The following PGAP4 variants were observed in gnomAD, a reference collection of about 807,000 sequenced individuals.
The protein encoded by PGAP4 is GPI-N-acetylgalactosamine transferase PGAP4.
PGAP4 carries 12 observed loss-of-function variants against 28.2 expected under a neutral mutation model. The ratio of observed to expected loss-of-function variants is 0.42; its 90% CI spans 0.27 to 0.69. The LOEUF (loss-of-function observed/expected upper bound fraction) is 0.69, where lower values mean the gene tolerates loss of function less well. PGAP4 is among the 30% of genes least tolerant of loss of function. PGAP4 has a pLI of 0.22. For synonymous variants in PGAP4, 205 were observed against 211.8 expected (o/e 0.97, Z 0.28); for missense variants, 425 against 513.5 (o/e 0.83, Z 1.67).
At chr9:101,508,398 C>G (rs1023108196) in intron 2 of PGAP4, among the ~76,000 whole-genome samples, 20 of 152,042 alleles carry the variant, frequency 1.3e-4, no homozygotes, top group African/African-American at 4.8e-4. Flanking sequence ...GCAGGCACGT[C>G]AATAAAATAT....
At chr9:101,521,156 C>T (rs534312033) in intron 2 of PGAP4, among the ~76,000 whole-genome samples, 1 of 152,248 alleles carries the variant, frequency 6.6e-6, no homozygotes, top group Admixed American at 6.5e-5. Flanking sequence ...CTGTATTCAT[C>T]AAGGATATCA....
chr9:101,483,360 T>C (rs1395084021), intron 1 of PGAP4, among the ~76,000 whole-genome samples: 1 of 152,178 alleles, frequency 6.6e-6, no homozygotes. Context: ...TCTAAGCATC[T>C]CATCTATCGA....
intron 2 of PGAP4, among the ~76,000 whole-genome samples, chr9:101,498,497 A>AT (rs545003386): frequency 0.095 from 13,734 of 144,524 alleles, 677 homozygotes; most frequent in Middle Eastern, 0.14. Flanking sequence ...CCCTTTAAGA[A>AT]TTTTTTTTTT....
At chr9:101,510,039 C>A (rs911163675) in intron 2 of PGAP4, among the ~76,000 whole-genome samples, 2 of 152,204 alleles carry the variant, frequency 1.3e-5, no homozygotes, top group Non-Finnish European at 2.9e-5. Context: ...CAAAAACAAG[C>A]ATTGTTGCCT....
At chr9:101,496,191 A>T (rs1210654906) in intron 2 of PGAP4, among the ~76,000 whole-genome samples, 1 of 151,556 alleles carries the variant, frequency 6.6e-6, no homozygotes, top group African/African-American at 2.4e-5. Flanking sequence ...TCTCAGCATT[A>T]TGCCAGAAAA....
intron 2 of PGAP4, among the ~76,000 whole-genome samples, chr9:101,502,573 C>A (rs372407175): frequency 2.6e-5 from 4 of 152,010 alleles, no homozygotes; most frequent in African/African-American, 9.7e-5. Context: ...TACCAAAAAT[C>A]TGATCTTATA....
At chr9:101,488,739 T>A (rs1224954395), upstream of PGAP4, among the ~76,000 whole-genome samples, 1 of 152,178 alleles carries the variant, frequency 6.6e-6, no homozygotes, top group Non-Finnish European at 1.5e-5. Context: ...AAATAAAATG[T>A]AATAATCAGT....
intron 2 of PGAP4, among the ~76,000 whole-genome samples, chr9:101,497,898 T>C (rs1224705416): frequency 6.6e-6 from 1 of 151,626 alleles, no homozygotes; most frequent in Non-Finnish European, 1.5e-5. Context: ...AACACATACA[T>C]ACACAAACAA....
intron 2 of PGAP4, among the ~76,000 whole-genome samples, chr9:101,509,229 C>T (rs1564100283): frequency 6.6e-6 from 1 of 152,156 alleles, no homozygotes; most frequent in South Asian, 2.1e-4. Flanking sequence ...AGAAAGAAGG[C>T]CCTGGCTCAG....
intron 1 of PGAP4, among the ~76,000 whole-genome samples, chr9:101,532,139 G>A (rs772882969): frequency 9.9e-5 from 15 of 152,212 alleles, no homozygotes; most frequent in African/African-American, 1.7e-4. Context: ...GTGTGGTGGC[G>A]TGTGCCTGTG....
intron 1 of PGAP4, among the ~76,000 whole-genome samples, chr9:101,481,962 T>G (rs1826501967): frequency 1.3e-5 from 2 of 152,116 alleles, no homozygotes; most frequent in Non-Finnish European, 2.9e-5. Flanking sequence ...CACACTCTAG[T>G]TCCTCCTCAG....
At chr9:101,512,683 T>TAACAAC (rs1012290956) in intron 2 of PGAP4, among the ~76,000 whole-genome samples, 12 of 152,072 alleles carry the variant, frequency 7.9e-5, no homozygotes, top group African/African-American at 2.9e-4. Context: ...CTATTAACAA[T>TAACAAC]AACAACAACA....
At chr9:101,483,964 C>G (rs370528401) in intron 1 of PGAP4, among the ~76,000 whole-genome samples, 1 of 152,084 alleles carries the variant, frequency 6.6e-6, no homozygotes, top group African/African-American at 2.4e-5. Flanking sequence ...TAATTTACTT[C>G]GAGGGAGTGT....
In PGAP4 at chr9:101,516,350, G is replaced by A. The variant is rs189979776; in HGVS notation, c.-165+14998C>T. Reference sequence around the variant, plus strand: ...AGATTTTACAGCAACATTTTTATTTGCAATAGTAGCTTCACCAGATAGTTT... The same window carrying A: ...AGATTTTACAGCAACATTTTTATTTACAATAGTAGCTTCACCAGATAGTTT... On this transcript the variant is annotated intron_variant, in intron 2 of 3. Coordinates refer to the PGAP4 transcript ENST00000374851. Among the ~76,000 whole-genome samples the A allele has an allele frequency of 3.3e-3, 498 of 152,156 alleles. 1 individual carries two copies. Among genetic ancestry groups the A allele is most frequent in the Admixed American group, 8.3e-3 (126 of 15,262 alleles).
upstream of PGAP4, among the ~76,000 whole-genome samples, chr9:101,491,130 A>G (rs1487522522): frequency 6.6e-6 from 1 of 152,182 alleles, no homozygotes; most frequent in Non-Finnish European, 1.5e-5. Flanking sequence ...CCTTTGCTGT[A>G]AAATGGGTCC....
At chr9:101,531,550 C>T (rs1392218803) in exon 2 of PGAP4, 1 of 152,190 alleles carries the variant, frequency 6.6e-6, no homozygotes. Context: ...TTCAGCCTCA[C>T]ACAGAAAATC....
chr9:101,500,008 T>G (rs1042130732), intron 2 of PGAP4, among the ~76,000 whole-genome samples: 1 of 151,916 alleles, frequency 6.6e-6, no homozygotes, highest in Non-Finnish European at 1.5e-5. Flanking sequence ...TTGTTTAAAT[T>G]TCATCATTTG....
At chr9:101,501,894 C>G (rs1459382997) in intron 2 of PGAP4, 1 of 410,860 alleles carries the variant, frequency 2.4e-6, no homozygotes, top group East Asian at 5.8e-5. Context: ...ATGTTTGCGG[C>G]AGAGGCCTCC....
intron 2 of PGAP4, among the ~76,000 whole-genome samples, chr9:101,520,546 C>G (rs1409688814): frequency 6.6e-6 from 1 of 152,126 alleles, no homozygotes; most frequent in East Asian, 1.9e-4. Context: ...AGAAGAGCTA[C>G]TTATTTGTGT....
Sources: allele counts gnomAD v4.1 joint callset (sites outside exome capture counted in the v4.1 genomes callset), GRCh38; gene constraint gnomAD v4.1.1; transcripts MANE v1.5; gene names NCBI Gene and HGNC (gene_info 2026-07-23, HGNC 2026-07-21).